XRCC4: variants seen among roughly 807,000 people sequenced by gnomAD.
XRCC4 encodes X-ray repair cross complementing 4, also known as DNA repair protein XRCC4.
A neutral mutation model predicts 39.1 loss-of-function variants in XRCC4; 28 were observed. The ratio of observed to expected loss-of-function variants is 0.72; its 90% CI spans 0.53 to 0.98. XRCC4 has a LOEUF of 0.98. Ranked by LOEUF, XRCC4 falls within the 50% of genes least tolerant of loss-of-function variation. XRCC4 has a pLI of 0.00. For missense variants in XRCC4, 350 were observed against 376.4 expected, an observed-to-expected ratio of 0.93 and a Z score of 0.58; for synonymous variants, 123 against 126.4, an observed-to-expected ratio of 0.97 and a Z score of 0.18.
intron 3 of XRCC4, among the ~76,000 whole-genome samples, chr5:83,181,193 C>G (rs1016111693): frequency 6.6e-6 from 1 of 151,400 alleles, no homozygotes; most frequent in Non-Finnish European, 1.5e-5. Flanking sequence ...TTTATTACCA[C>G]CTCTAACAAA....
chr5:83,345,517 G>A (rs1756892981), intron 7 of XRCC4, among the ~76,000 whole-genome samples: 1 of 152,072 alleles, frequency 6.6e-6, no homozygotes, highest in Admixed American at 6.6e-5. Context: ...TTTGTCAAAA[G>A]TCAAAACAAG....
chr5:83,146,432 T>C (rs750176339), intron 3 of XRCC4, among the ~76,000 whole-genome samples: 2 of 152,172 alleles, frequency 1.3e-5, no homozygotes, highest in African/African-American at 2.4e-5. Flanking sequence ...TATTTGGTTG[T>C]GGGGTCATTA....
Position 83,217,358 on chromosome 5 carries a change from C to CAAAAAAAA in XRCC4, c.745+12449_745+12456dup, listed in dbSNP as rs59416363. Among the ~76,000 whole-genome samples the CAAAAAAAA allele has an allele frequency of 5.9e-4, 57 of 96,136 alleles. 2 individuals are homozygous for CAAAAAAAA. The highest frequency in any genetic ancestry group is 2.5e-3 in the African/African-American group (54 of 21,248). 63.1% of individuals were successfully genotyped at this position (96,136 alleles called of 152,430 possible). A position where few individuals can be genotyped will look rare whatever the true frequency, so the allele number is the denominator to read the frequency against. ...GGCAGCGCAGAGCAAGACTCCGTCTCAAAAAAAAAAAAAAAAAAACCATTG... is the reference window on the plus strand; with the variant it reads ...GGCAGCGCAGAGCAAGACTCCGTCTCAAAAAAAAAAAAAAAAAAAAAAAAAAACCATTG... On this transcript the variant is annotated intron_variant, in intron 6 of 7. Transcript: ENST00000396027.
intron 1 of XRCC4, among the ~76,000 whole-genome samples, chr5:83,104,633 A>C (rs1394524555): frequency 1.3e-5 from 2 of 152,070 alleles, no homozygotes; most frequent in African/African-American, 4.8e-5. Flanking sequence ...GATAATTTTT[A>C]TCTTCATTAC....
the XRCC4 span, among the ~76,000 whole-genome samples, chr5:83,362,461 G>A: frequency 6.6e-5 from 10 of 152,084 alleles, no homozygotes; most frequent in East Asian, 3.8e-4. Context: ...GTGTGGTTAC[G>A]TCTGACTTGG....
At chr5:83,373,923 CATTTAAAGAAAAATATAT>C in the XRCC4 span, among the ~76,000 whole-genome samples, 1 of 152,178 alleles carries the variant, frequency 6.6e-6, no homozygotes, top group African/African-American at 2.4e-5. Flanking sequence ...AAAGTGGTTC[CATTTAAAGAAAAATATAT>C]GGATAATTGA....
At chr5:83,249,957 A>G (rs985933014) in intron 6 of XRCC4, among the ~76,000 whole-genome samples, 8 of 152,086 alleles carry the variant, frequency 5.3e-5, no homozygotes, top group African/African-American at 1.9e-4. Flanking sequence ...GTTCAATGAA[A>G]GCCTCTCTAA....
At chr5:83,368,029 C>T in the XRCC4 span, among the ~76,000 whole-genome samples, 5 of 150,438 alleles carry the variant, frequency 3.3e-5, no homozygotes, top group Admixed American at 3.3e-4. Context: ...GTTTTTAAAA[C>T]AGGCTGTGGA....
rs184563256 is a variant in XRCC4 at position 83,168,410 on chromosome 5, G to C, written c.316-27360G>C. Among the ~76,000 whole-genome samples the C allele has an allele frequency of 6.8e-4, 103 of 152,106 alleles. 1 individual carries two copies. The highest frequency in any genetic ancestry group is 4.8e-3 in the Admixed American group (74 of 15,278). On this transcript the variant is annotated intron_variant, in intron 3 of 7. Coordinates refer to ENST00000396027, the MANE Select transcript of XRCC4 (RefSeq NM_003401.5). ...GGACTCAATTACAAATTGAAATTCA[G>C]AAATACAAAATCACGTTGAAAGTTT... is the stretch of plus-strand genomic sequence containing the variant.
chr5:83,133,372 G>C (rs1747704291), intron 3 of XRCC4, among the ~76,000 whole-genome samples: 1 of 152,204 alleles, frequency 6.6e-6, no homozygotes, highest in Admixed American at 6.5e-5. Context: ...TCCATTCTCA[G>C]ATCTCCAAGT....
intron 6 of XRCC4, among the ~76,000 whole-genome samples, chr5:83,227,786 C>T (rs1293527800): frequency 6.6e-6 from 1 of 151,988 alleles, no homozygotes; most frequent in Admixed American, 6.6e-5. Flanking sequence ...GGCTTTTTCT[C>T]TCATGAGAAA....
downstream of XRCC4, among the ~76,000 whole-genome samples, chr5:83,357,659 G>A (rs1003221042): frequency 6.6e-6 from 1 of 152,184 alleles, no homozygotes; most frequent in Admixed American, 6.5e-5. Context: ...AGTGAGCGAC[G>A]TTATGTCAAG....
chr5:83,120,089 G>A (rs1234403079), intron 3 of XRCC4, among the ~76,000 whole-genome samples: 1 of 151,426 alleles, frequency 6.6e-6, no homozygotes, highest in East Asian at 1.9e-4. Context: ...AAACTATGTT[G>A]TAAAAGGACA....
intron 6 of XRCC4, among the ~76,000 whole-genome samples, chr5:83,211,605 T>C (rs1254016105): frequency 2.0e-5 from 3 of 152,136 alleles, no homozygotes; most frequent in Non-Finnish European, 4.4e-5. Context: ...TTCAACATAC[T>C]CCTGTTCCTG....
At chr5:83,359,080 A>C in the XRCC4 span, among the ~76,000 whole-genome samples, 1 of 152,162 alleles carries the variant, frequency 6.6e-6, no homozygotes, top group African/African-American at 2.4e-5. Context: ...GCCTGGAAAC[A>C]TTGTTCTCCC....
intron 7 of XRCC4, among the ~76,000 whole-genome samples, chr5:83,289,645 A>G (rs1222418253): frequency 6.6e-6 from 1 of 151,768 alleles, no homozygotes; most frequent in African/African-American, 2.4e-5. Flanking sequence ...TTGTGATTGA[A>G]TCTTAGTCTT....
intron 6 of XRCC4, among the ~76,000 whole-genome samples, chr5:83,212,637 C>T (rs1751692618): frequency 6.6e-6 from 1 of 151,782 alleles, no homozygotes; most frequent in Non-Finnish European, 1.5e-5. Flanking sequence ...AGATAAATAC[C>T]AAAAGATAGG....
At chr5:83,122,111 A>G (rs1047126214) in intron 3 of XRCC4, among the ~76,000 whole-genome samples, 5 of 152,178 alleles carry the variant, frequency 3.3e-5, no homozygotes. Context: ...GAAATCATGT[A>G]GTATAACTTC....
At chr5:83,253,189 C>T (rs1333307480) in intron 6 of XRCC4, among the ~76,000 whole-genome samples, 3 of 152,122 alleles carry the variant, frequency 2.0e-5, no homozygotes, top group Admixed American at 2.0e-4. Context: ...TATTGTTGCC[C>T]TGCAGCCCTT....
Sources: gnomAD v4.1 joint callset for allele counts (sites outside exome capture counted in the v4.1 genomes callset) on GRCh38, gnomAD v4.1.1 for gene constraint, MANE v1.5 for transcripts, NCBI Gene and HGNC (gene_info 2026-07-23, HGNC 2026-07-21) for gene names.